Variants in PLAC8 observed in about 807,000 individuals in gnomAD.
PLAC8 encodes the protein placenta associated 8.
In PLAC8, 6 loss-of-function variants were observed where a neutral mutation model predicts 12.6. That is an observed-to-expected ratio of 0.48 (90% CI 0.26 to 0.94). PLAC8 has a LOEUF of 0.94. Ranked by LOEUF, PLAC8 falls within the 40% of genes least tolerant of loss-of-function variation. PLAC8 has a pLI of 0.14. For synonymous variants in PLAC8, 54 were observed against 52.6 expected (o/e 1.03, Z -0.11); for missense variants, 122 against 152.7 (o/e 0.80, Z 1.06).
intron 3 of PLAC8, among the ~76,000 whole-genome samples, chr4:83,099,308 C>A (rs377531466): frequency 1.3e-5 from 2 of 151,900 alleles, no homozygotes; most frequent in Admixed American, 6.6e-5. Context: ...TGGCTCACTG[C>A]ATTTACAAAT....
chr4:83,091,445 A>G (rs1470202936), intron 4 of PLAC8, among the ~76,000 whole-genome samples: 1 of 152,152 alleles, frequency 6.6e-6, no homozygotes, highest in African/African-American at 2.4e-5. Flanking sequence ...TGGAGTTAAG[A>G]GGTTTTGGGG....
intron 1 of PLAC8, among the ~76,000 whole-genome samples, chr4:83,111,648 C>T (rs2126144624): frequency 6.6e-6 from 1 of 152,204 alleles, no homozygotes; most frequent in South Asian, 2.1e-4. Context: ...GTTCATTTAA[C>T]ACCCTTATTT....
rs1195421028 is a variant in PLAC8, at chr4:83,114,665, C to T, written c.-30+1G>A. Reference sequence around the variant, plus strand: ...CAAGTTCTTACTTGTAAAGTACTTACAATTAGTAAACAAGGTTCCGAGCAG... The same window carrying T: ...CAAGTTCTTACTTGTAAAGTACTTATAATTAGTAAACAAGGTTCCGAGCAG... On this transcript the variant is annotated splice_donor_variant, in intron 1 of 4. Transcript: ENST00000311507. LOFTEE classifies it low-confidence loss of function (5UTR_SPLICE). The T allele has an allele frequency of 1.3e-5, 2 of 151,298 alleles. No individual in the cohort carries two copies. Among genetic ancestry groups the T allele is most frequent in the Non-Finnish European group, 2.9e-5 (2 of 67,900 alleles). The allele number at this position is 151,298 out of a possible 1,614,324, so 9.4% of individuals were successfully genotyped here.
At chr4:83,099,138 C>T (rs1732021022) in intron 3 of PLAC8, among the ~76,000 whole-genome samples, 1 of 151,942 alleles carries the variant, frequency 6.6e-6, no homozygotes, top group South Asian at 2.1e-4. Flanking sequence ...GTCAATTGTG[C>T]CTTTAACTGT....
At chr4:83,107,626 T>TTA (rs1732289118) in intron 2 of PLAC8, among the ~76,000 whole-genome samples, 178 bp downstream of exon 2, 1 of 98,252 alleles carries the variant, frequency 1.0e-5, no homozygotes, top group Non-Finnish European at 1.8e-5. Context: ...GAGGCTTTTT[T>TTA]TTTTTTTTTT....
chr4:83,106,229 G>C (rs1732237117), intron 2 of PLAC8, among the ~76,000 whole-genome samples: 1 of 151,852 alleles, frequency 6.6e-6, no homozygotes, highest in African/African-American at 2.4e-5. Context: ...TTGAACTCCT[G>C]ACCTTGTGAT....
intron 1 of PLAC8, among the ~76,000 whole-genome samples, chr4:83,110,844 G>C (rs1342557030): frequency 6.6e-6 from 1 of 152,318 alleles, no homozygotes. Context: ...GGAAATGCTA[G>C]AGAATATGTA....
intron 1 of PLAC8, among the ~76,000 whole-genome samples, chr4:83,108,994 G>A (rs1732337574): frequency 6.6e-6 from 1 of 152,186 alleles, no homozygotes; most frequent in Non-Finnish European, 1.5e-5. Flanking sequence ...GGTAGGGGCA[G>A]TTTATTAAGA....
intron 1 of PLAC8, among the ~76,000 whole-genome samples, chr4:83,112,958 C>T (rs1447063799): frequency 6.6e-6 from 1 of 152,162 alleles, no homozygotes; most frequent in Non-Finnish European, 1.5e-5. Flanking sequence ...TTCAGTGGTC[C>T]TCAAAGCTTA....
intron 3 of PLAC8, 115 bp from the exon 4 acceptor site, chr4:83,094,906 G>A: frequency 1.9e-6 from 1 of 528,160 alleles, no homozygotes; most frequent in Non-Finnish European, 3.3e-6. Flanking sequence ...GAGTTTGGAT[G>A]GATACATTTA....
At chr4:83,113,184 G>A (rs781097586) in intron 1 of PLAC8, among the ~76,000 whole-genome samples, 13 of 152,202 alleles carry the variant, frequency 8.5e-5, no homozygotes, top group Non-Finnish European at 1.9e-4. Context: ...ATAGGCTTTT[G>A]TCCTATGAAC....
chr4:83,096,896 T>G (rs1363819008), intron 3 of PLAC8, among the ~76,000 whole-genome samples: 7 of 152,206 alleles, frequency 4.6e-5, no homozygotes, highest in Non-Finnish European at 5.9e-5. Context: ...GAGATGAGAC[T>G]CTCATGAAGA....
At chr4:83,096,354 G>C (rs1578735621) in intron 3 of PLAC8, among the ~76,000 whole-genome samples, 3 of 152,016 alleles carry the variant, frequency 2.0e-5, no homozygotes, top group Non-Finnish European at 4.4e-5. Flanking sequence ...GCTGCACCTA[G>C]CTGAAACTAT....
intron 3 of PLAC8, among the ~76,000 whole-genome samples, chr4:83,098,328 T>G (rs1339947599): frequency 6.6e-6 from 1 of 152,194 alleles, no homozygotes; most frequent in Admixed American, 6.5e-5. Flanking sequence ...GGTTAAAACA[T>G]TAAAATCACA....
At position 83,114,696 on chromosome 4, in the gene PLAC8, G is replaced by A. The variant is rs1190304445; in HGVS notation, c.-60C>T. On this transcript the variant is annotated 5_prime_UTR_variant, in exon 1 of 5. Transcript: ENST00000311507. The stretch of plus-strand genomic sequence containing the variant: ...GTAAACAAGGTTCCGAGCAGGAAAT[G>A]TCTTGTGGCCTGGGAGAGAATCTCA... 1 of 152,058 alleles carries A rather than the reference G, an allele frequency of 6.6e-6. No homozygotes were observed. Among genetic ancestry groups the A allele is most frequent in the Admixed American group, 6.6e-5 (1 of 15,266 alleles). 9.4% of individuals were successfully genotyped at this position (152,058 alleles called of 1,614,324 possible). A position where few individuals can be genotyped will look rare whatever the true frequency, so the allele number is the denominator to read the frequency against.
Position 83,104,896 on chromosome 4 carries a change from A to C in PLAC8, c.243T>G (p.Pro81=). Residue 81 remains proline, a splice_region_variant and synonymous_variant, in exon 3 of 5, where the codon CCT becomes CCG. Coordinates refer to ENST00000311507, the MANE Select transcript of PLAC8 (RefSeq NM_016619.3). ...TGAGATGGTATGGTAAGAGACTCAC[A>C]GGGATGCCATATCGGGTCCTGTAGA... The part of the protein sequence containing the change: ...RTLYRTRYGI[P]GSICDDYMAT... The C allele has an allele frequency of 6.2e-7, 1 of 1,613,952 alleles. No individual in the cohort carries two copies. The highest frequency in any genetic ancestry group is 1.1e-5 in the South Asian group (1 of 91,076).
chr4:83,098,318 G>C (rs1731997189), intron 3 of PLAC8, among the ~76,000 whole-genome samples: 1 of 152,182 alleles, frequency 6.6e-6, no homozygotes, highest in Admixed American at 6.5e-5. Flanking sequence ...TTTTTCCATA[G>C]GTTAAAACAT....
chr4:83,094,879 C>G, intron 3 of PLAC8, 88 bp from the exon 4 acceptor site: 1 of 654,598 alleles, frequency 1.5e-6, no homozygotes, highest in Non-Finnish European at 2.5e-6. Flanking sequence ...GCAGAAGGCA[C>G]TGATCTTTCA....
chr4:83,111,227 C>G (rs758087183), intron 1 of PLAC8, among the ~76,000 whole-genome samples: 9 of 152,314 alleles, frequency 5.9e-5, no homozygotes, highest in Non-Finnish European at 1.2e-4. Flanking sequence ...CCTTGGCCTC[C>G]CAAAACACTG....
Sources: allele counts gnomAD v4.1 joint callset (sites outside exome capture counted in the v4.1 genomes callset), GRCh38; gene constraint gnomAD v4.1.1; transcripts MANE v1.5; gene names NCBI Gene and HGNC (gene_info 2026-07-23, HGNC 2026-07-21).